The following WDR27 variants were observed in gnomAD, a reference collection of about 807,000 sequenced individuals.
WDR27 encodes the protein WD repeat domain 27.
In WDR27, 100 loss-of-function variants were observed where a neutral mutation model predicts 114.4. The ratio of observed to expected loss-of-function variants is 0.87; its 90% CI spans 0.74 to 1.03. The LOEUF is 1.03. Among genes scored for constraint, WDR27 ranks in the 50% least tolerant of loss-of-function variants. The pLI, the probability that WDR27 is intolerant of heterozygous loss-of-function variation, is 0.00. For synonymous variants in WDR27, 449 were observed against 423.1 expected (o/e 1.06, Z -0.75); for missense variants, 1,129 against 1,092.9 (o/e 1.03, Z -0.47).
intron 1 of WDR27, among the ~76,000 whole-genome samples, chr6:169,693,502 T>C (rs1785027877): frequency 1.3e-5 from 2 of 152,134 alleles, no homozygotes; most frequent in South Asian, 4.1e-4. Flanking sequence ...ACGCTGAATG[T>C]AAATGGTCTA....
intron 25 of WDR27, among the ~76,000 whole-genome samples, chr6:169,465,258 C>CAAAAAAAAA (rs56688798): frequency 1.9e-4 from 19 of 101,150 alleles, no homozygotes; most frequent in African/African-American, 4.0e-4. Context: ...AACTCCATCT[C>CAAAAAAAAA]AAAAAAAAAA....
In WDR27 at chr6:169,585,366, A is replaced by C. The variant is rs148004879; in HGVS notation, c.2425-2432T>G. 2.9e-3 allele frequency among the ~76,000 whole-genome samples: 437 copies of C among 152,346 alleles called. 3 individuals are homozygous for C. The highest frequency in any genetic ancestry group is 0.01 in the African/African-American group (421 of 41,578). ...AAAGAACTATTTTAATGTAAGAATG[A>C]GTCCTTCAGATGTAGGCCTTCCCAA... On this transcript the variant is annotated intron_variant, in intron 23 of 25. Coordinates refer to ENST00000448612, the MANE Select transcript of WDR27 (RefSeq NM_182552.5).
rs772785976 is a variant in WDR27, at chr6:169,660,732, C to A, written c.1060G>T (p.Gly354Ter). 16 of 1,612,756 alleles carry A rather than the reference C, an allele frequency of 9.9e-6. No individual in the cohort carries two copies. The highest frequency in any genetic ancestry group is 3.3e-5 in the Admixed American group (2 of 59,974). The change falls in exon 10 of 26, where the codon GGA becomes TGA. Residue 354 changes from glycine (G) to a stop codon, truncating the protein, a stop_gained. Transcript: ENST00000448612. LOFTEE classifies it high-confidence loss of function. ...AATACGAATAAGCCCACTGAGCTTCCGATCCACACACATCGGGTGTTCTCA... is the reference window on the plus strand; with the variant it reads ...AATACGAATAAGCCCACTGAGCTTCAGATCCACACACATCGGGTGTTCTCA... ...SSENTRCVWI[G>*]SSVGLFVFNL...
the WDR27 span, among the ~76,000 whole-genome samples, chr6:169,430,330 C>T: frequency 6.6e-6 from 1 of 152,196 alleles, no homozygotes; most frequent in African/African-American, 2.4e-5. Flanking sequence ...GAGCTTGCAG[C>T]TAGGCTAGGG....
intron 13 of WDR27, among the ~76,000 whole-genome samples, chr6:169,655,791 C>G (rs1411787259): frequency 6.6e-6 from 1 of 152,310 alleles, no homozygotes; most frequent in Non-Finnish European, 1.5e-5. Flanking sequence ...ACGATCTCAG[C>G]TCACTGCAAC....
chr6:169,692,354 C>T (rs964927179), intron 1 of WDR27, among the ~76,000 whole-genome samples: 1 of 152,180 alleles, frequency 6.6e-6, no homozygotes, highest in Non-Finnish European at 1.5e-5. Flanking sequence ...TTAGACTGGG[C>T]ATGAACTTCC....
chr6:169,660,610 A>T (rs1026075238), intron 10 of WDR27, 53 bp downstream of exon 10: 73 of 1,462,384 alleles, frequency 5.0e-5, no homozygotes, highest in Non-Finnish European at 6.9e-5. Flanking sequence ...TACCCCACAT[A>T]CCAGTCAAAG....
At position 169,498,877 on chromosome 6, in the gene WDR27, T is replaced by C. The variant is rs182355507; in HGVS notation, c.2646-41243A>G. 8.4e-4 allele frequency among the ~76,000 whole-genome samples: 128 copies of C among 152,240 alleles called. 1 individual carries two copies. The highest frequency in any genetic ancestry group is 2.8e-3 in the African/African-American group (116 of 41,520). Reference sequence around the variant, plus strand: ...ACAACAGGAGGGACCTGTGTGAGGATTGTCTGTATCTTGACTGGTGGCAGA... The same window carrying C: ...ACAACAGGAGGGACCTGTGTGAGGACTGTCTGTATCTTGACTGGTGGCAGA... On this transcript the variant is annotated intron_variant, in intron 25 of 25. Coordinates refer to ENST00000448612, the MANE Select transcript of WDR27 (RefSeq NM_182552.5).
At position 169,664,194 on chromosome 6, in the gene WDR27, C is replaced by G. The variant is rs754179476; in HGVS notation, c.876G>C (p.Arg292Ser). The G allele has an allele frequency of 5.0e-6, 8 of 1,608,842 alleles. No individual in the cohort carries two copies. Among genetic ancestry groups the G allele is most frequent in the Non-Finnish European group, 6.8e-6 (8 of 1,177,222 alleles). ...GCTGGCTGCACAGCCCAGACTTAAC[C>G]CTTCTTGTGGAGAAAGTCTCTGTCT... ...RKKTETFSTR[R>S]VKSGLCSQPE... Residue 292 changes from arginine to serine, a missense_variant, in exon 8 of 26, where the codon AGG becomes AGC. Arg to Ser is a moderately radical substitution (Grantham distance 110). Coordinates refer to ENST00000448612, the MANE Select transcript of WDR27 (RefSeq NM_182552.5).
chr6:169,593,864 CAAACAAACAAACAAA>C (rs1361028065), intron 23 of WDR27, among the ~76,000 whole-genome samples: 5 of 99,002 alleles, frequency 5.1e-5, no homozygotes, highest in Non-Finnish European at 1.4e-4. Flanking sequence ...AACAAACAAA[CAAACAAACAAACAAA>C]AAACAAAAAA....
At chr6:169,625,176 G>A (rs1361600946) in intron 21 of WDR27, among the ~76,000 whole-genome samples, 2 of 152,210 alleles carry the variant, frequency 1.3e-5, no homozygotes, top group Non-Finnish European at 2.9e-5. Flanking sequence ...AAAAAGGAAG[G>A]CAGATCCAAC....
intron 25 of WDR27, among the ~76,000 whole-genome samples, chr6:169,514,755 A>AG (rs1382241359): frequency 3.7e-5 from 4 of 108,646 alleles, no homozygotes. Context: ...AGAAAAAAAG[A>AG]GAATATATAT....
At chr6:169,549,425 G>A (rs1797831726) in intron 25 of WDR27, among the ~76,000 whole-genome samples, 1 of 152,186 alleles carries the variant, frequency 6.6e-6, no homozygotes, top group Non-Finnish European at 1.5e-5. Flanking sequence ...TTGCTGGTGG[G>A]AGTGCAAAAT....
At chr6:169,674,128 A>G (rs1175828493) in intron 2 of WDR27, among the ~76,000 whole-genome samples, 1 of 152,364 alleles carries the variant, frequency 6.6e-6, no homozygotes, top group East Asian at 1.9e-4. Context: ...CCAGAGTATC[A>G]AATCAGCTAT....
chr6:169,658,175 C>G, intron 13 of WDR27, 101 bp downstream of exon 13: 1 of 883,860 alleles, frequency 1.1e-6, no homozygotes, highest in Middle Eastern at 2.2e-4. Flanking sequence ...GTACGGAATG[C>G]ATATTTTAAC....
downstream of WDR27, among the ~76,000 whole-genome samples, chr6:169,452,845 C>A (rs2115229463): frequency 6.6e-6 from 1 of 152,380 alleles, no homozygotes; most frequent in Middle Eastern, 3.4e-3. Flanking sequence ...GTAATTTTCC[C>A]TTTCTTCCTG....
chr6:169,460,205 T>C (rs1284810314), intron 25 of WDR27, among the ~76,000 whole-genome samples: 1 of 152,206 alleles, frequency 6.6e-6, no homozygotes, highest in Non-Finnish European at 1.5e-5. Context: ...ATTTTCTAAA[T>C]AATTGAAGAC....
rs1821642553 is a variant in WDR27 at position 169,649,335 on chromosome 6, G to A, written c.1482-60C>T. The A allele has an allele frequency of 2.1e-6, 3 of 1,401,804 alleles. No homozygotes were observed. In the South Asian group the frequency reaches 3.7e-5, roughly 17 times the overall value. The allele number at this position is 1,401,804 out of a possible 1,614,324, so 86.8% of individuals were successfully genotyped here. On this transcript the variant is annotated intron_variant, in intron 14 of 25. Transcript: ENST00000448612. Reference sequence around the variant, plus strand: ...ATTAAGAGGTCTAAGTTTCTTAAGAGATTTATATTTTACAGTGAAAAAAAT... The same window carrying A: ...ATTAAGAGGTCTAAGTTTCTTAAGAAATTTATATTTTACAGTGAAAAAAAT...
chr6:169,672,137 AC>A (rs1295177305), intron 3 of WDR27, 117 bp downstream of exon 3: 3 of 1,048,758 alleles, frequency 2.9e-6, no homozygotes, highest in Non-Finnish European at 2.7e-6. Flanking sequence ...ATTATCCCAA[AC>A]CCCCCGAGGG....
Sources: gnomAD v4.1 joint callset for allele counts (sites outside exome capture counted in the v4.1 genomes callset) on GRCh38, gnomAD v4.1.1 for gene constraint, MANE v1.5 for transcripts, NCBI Gene and HGNC (gene_info 2026-07-23, HGNC 2026-07-21) for gene names.